UACA: variants seen among roughly 807,000 people sequenced by gnomAD.
UACA encodes the protein nuclear membrane binding protein.
Under a neutral mutation model 160.5 loss-of-function variants are expected in UACA, and 112 were observed. That is an observed-to-expected ratio of 0.70 (90% CI 0.60 to 0.82). UACA has a LOEUF of 0.82. UACA is among the 40% of genes least tolerant of loss of function. The probability of loss-of-function intolerance (pLI) is 0.00; values close to 1 mark genes in which losing one functional copy is unlikely to be tolerated. For missense variants in UACA, 1,574 were observed against 1,614.6 expected (o/e 0.97, Z 0.43); for synonymous variants, 557 against 568.4 (o/e 0.98, Z 0.29).
intron 1 of UACA, chr15:70,701,885 TA>T (rs766688614): frequency 1.2e-5 from 19 of 1,613,018 alleles, no homozygotes; most frequent in African/African-American, 2.7e-5. Flanking sequence ...ACTCTGTTCT[TA>T]GGAGTACAAG....
At chr15:70,769,954 G>A in the UACA span, among the ~76,000 whole-genome samples, 66 of 152,188 alleles carry the variant, frequency 4.3e-4, no homozygotes, top group South Asian at 2.1e-3. Context: ...CAGAGATTGC[G>A]CCATTGCACT....
intron 1 of UACA, among the ~76,000 whole-genome samples, chr15:70,746,989 G>A (rs1324058801): frequency 6.6e-6 from 1 of 152,070 alleles, no homozygotes; most frequent in Non-Finnish European, 1.5e-5. Flanking sequence ...GTCAGGGGGT[G>A]GCAGGCAAGG....
At chr15:70,665,606 T>C (rs1182200172) in intron 16 of UACA, among the ~76,000 whole-genome samples, 1 of 151,972 alleles carries the variant, frequency 6.6e-6, no homozygotes, top group African/African-American at 2.4e-5. Flanking sequence ...TGAAAAATAA[T>C]AATAGAAAAA....
intron 18 of UACA, 58 bp downstream of exon 18, chr15:70,660,093 A>G: frequency 7.1e-7 from 1 of 1,407,400 alleles, no homozygotes. Context: ...TTTATTTGAA[A>G]ATAAAAAATT....
At chr15:70,714,522 T>C (rs951775179) in intron 1 of UACA, among the ~76,000 whole-genome samples, 3 of 152,194 alleles carry the variant, frequency 2.0e-5, no homozygotes, top group African/African-American at 7.2e-5. Context: ...TTATATCCTA[T>C]CAATCATTTT....
intron 3 of UACA, among the ~76,000 whole-genome samples, chr15:70,693,891 C>G (rs1898030555): frequency 1.3e-5 from 2 of 152,136 alleles, no homozygotes; most frequent in South Asian, 4.1e-4. Flanking sequence ...GCAATAAACA[C>G]ATTTCTTTGT....
intron 2 of UACA, among the ~76,000 whole-genome samples, chr15:70,698,037 G>A (rs1200067899): frequency 6.6e-6 from 1 of 151,996 alleles, no homozygotes; most frequent in Non-Finnish European, 1.5e-5. Flanking sequence ...GGCAACAAGA[G>A]CGAAACTCTG....
At position 70,656,890 on chromosome 15, in the gene UACA, A is replaced by G. The variant is rs1474955160; in HGVS notation, c.*166T>C. On this transcript the variant is annotated 3_prime_UTR_variant, in exon 19 of 19. Coordinates refer to ENST00000322954, the MANE Select transcript of UACA (RefSeq NM_018003.4). ...AAATAAGATTCAAACTGATATTGAA[A>G]AAGACTAACATATTCATCTAATTTT... 4 of 495,268 alleles carry G rather than the reference A, an allele frequency of 8.1e-6. No individual in the cohort carries two copies. The highest frequency in any genetic ancestry group is 1.4e-5 in the Non-Finnish European group (4 of 279,332). 30.7% of individuals were successfully genotyped at this position (495,268 alleles called of 1,614,324 possible). A position where few individuals can be genotyped will look rare whatever the true frequency, so the allele number is the denominator to read the frequency against.
chr15:70,678,294 T>C, intron 10 of UACA, 88 bp from the exon 11 acceptor site: 1 of 703,190 alleles, frequency 1.4e-6, no homozygotes, highest in Non-Finnish European at 2.4e-6. Context: ...TTCACTACCA[T>C]ACAGGTACAT....
chr15:70,702,418 C>A, intron 1 of UACA: 1 of 615,528 alleles, frequency 1.6e-6, no homozygotes, highest in Non-Finnish European at 2.0e-6. Flanking sequence ...TAGAAAGGAG[C>A]AGCTAAGAAT....
rs563169139 is a variant in UACA at position 70,680,818 on chromosome 15, G to A, written c.823-1142C>T. On this transcript the variant is annotated intron_variant, in intron 9 of 18. Coordinates refer to ENST00000322954, the MANE Select transcript of UACA (RefSeq NM_018003.4). ...TGCACCTCTGGCTCCACTTAGCAGC[G>A]ATCTGATCACGTGCACCACTGATTG... 3.9e-5 allele frequency among the ~76,000 whole-genome samples: 6 copies of A among 152,304 alleles called. No individual in the cohort carries two copies. In the South Asian group the frequency reaches 1.2e-3, roughly 32 times the overall value.
the UACA span, among the ~76,000 whole-genome samples, chr15:70,776,207 A>C: frequency 6.6e-6 from 1 of 152,366 alleles, no homozygotes; most frequent in East Asian, 1.9e-4. Context: ...AATAACAAAT[A>C]ATGTTATTAA....
chr15:70,676,382 G>T, intron 13 of UACA, 111 bp downstream of exon 13: 1 of 813,762 alleles, frequency 1.2e-6, no homozygotes. Flanking sequence ...TAAATAAGCA[G>T]CCCAAGGTCA....
chr15:70,764,900 A>G (rs954987739), upstream of UACA, among the ~76,000 whole-genome samples: 2 of 152,006 alleles, frequency 1.3e-5, no homozygotes, highest in South Asian at 2.1e-4. Flanking sequence ...ATTACCTCAT[A>G]CCCGGACTAT....
chr15:70,671,881 T>C (rs1897150946), intron 14 of UACA, 84 bp downstream of exon 14: 17 of 1,204,240 alleles, frequency 1.4e-5, no homozygotes, highest in Non-Finnish European at 1.9e-5. Context: ...CAGTTATTCC[T>C]GTATAGTTAA....
chr15:70,694,433 A>C (rs1191624650), intron 3 of UACA, among the ~76,000 whole-genome samples: 1 of 152,132 alleles, frequency 6.6e-6, no homozygotes, highest in Admixed American at 6.5e-5. Flanking sequence ...CTAGGCACAG[A>C]ATGGGTTCCT....
At chr15:70,736,751 T>A (rs1478810111) in intron 1 of UACA, among the ~76,000 whole-genome samples, 1 of 152,214 alleles carries the variant, frequency 6.6e-6, no homozygotes, top group Non-Finnish European at 1.5e-5. Flanking sequence ...AACCTGGTTT[T>A]AAATAATATT....
At chr15:70,752,702 A>T (rs1311313016) in intron 1 of UACA, among the ~76,000 whole-genome samples, 2 of 152,124 alleles carry the variant, frequency 1.3e-5, no homozygotes, top group African/African-American at 2.4e-5. Context: ...GAGGTAATAT[A>T]AAAAACCTTG....
At chr15:70,691,844 G>A (rs1351577104) in intron 3 of UACA, among the ~76,000 whole-genome samples, 1 of 152,112 alleles carries the variant, frequency 6.6e-6, no homozygotes, top group Non-Finnish European at 1.5e-5. Flanking sequence ...TTCATGCTTT[G>A]GCTAAAATTC....
Sources: allele counts gnomAD v4.1 joint callset (sites outside exome capture counted in the v4.1 genomes callset), GRCh38; gene constraint gnomAD v4.1.1; transcripts MANE v1.5; gene names NCBI Gene and HGNC (gene_info 2026-07-23, HGNC 2026-07-21).